Variants in KHDRBS2 observed in about 807,000 individuals in gnomAD.
KHDRBS2 encodes KH RNA binding domain containing, signal transduction associated 2.
A neutral mutation model predicts 44.3 loss-of-function variants in KHDRBS2; 26 were observed. The observed-to-expected ratio is 0.59, with a 90% CI of 0.43 to 0.81. The LOEUF is 0.81. KHDRBS2 is among the 40% of genes least tolerant of loss of function. The pLI is 0.00. For missense variants in KHDRBS2, 476 were observed against 433.1 expected (o/e 1.10, Z -0.88); for synonymous variants, 194 against 151.1 (o/e 1.28, Z -2.08).
chr6:61,613,959 A>G, the KHDRBS2 span, among the ~76,000 whole-genome samples: 5 of 152,224 alleles, frequency 3.3e-5, no homozygotes, highest in Non-Finnish European at 5.9e-5. Flanking sequence ...ATCATCCTCC[A>G]GACCAAAAAT....
intron 4 of KHDRBS2, among the ~76,000 whole-genome samples, chr6:61,918,204 T>A (rs1468249165): frequency 1.3e-5 from 2 of 152,008 alleles, no homozygotes; most frequent in Non-Finnish European, 1.5e-5. Context: ...ATTCCTTTTT[T>A]AATTTTCTTC....
At chr6:62,012,486 A>C (rs917463772) in intron 3 of KHDRBS2, among the ~76,000 whole-genome samples, 2 of 152,188 alleles carry the variant, frequency 1.3e-5, no homozygotes, top group African/African-American at 4.8e-5. Context: ...TTTCACTTGG[A>C]GTAAAATCCA....
intron 6 of KHDRBS2, among the ~76,000 whole-genome samples, chr6:61,751,721 G>A (rs1473069695): frequency 6.6e-6 from 1 of 152,154 alleles, no homozygotes. Context: ...GCTAGAGAAA[G>A]TATTAATTTC....
the KHDRBS2 span, among the ~76,000 whole-genome samples, chr6:61,628,036 T>A: frequency 6.6e-6 from 1 of 152,138 alleles, no homozygotes; most frequent in Non-Finnish European, 1.5e-5. Context: ...TGTTAGTATC[T>A]GAACTGCATT....
chr6:62,275,514 T>C (rs779602626), intron 1 of KHDRBS2, among the ~76,000 whole-genome samples: 26 of 152,220 alleles, frequency 1.7e-4, no homozygotes, highest in Non-Finnish European at 3.2e-4. Flanking sequence ...TATTTAGTCA[T>C]TCATCTACTG....
intron 1 of KHDRBS2, among the ~76,000 whole-genome samples, chr6:62,207,831 T>C (rs1384867389): frequency 2.0e-5 from 3 of 152,180 alleles, no homozygotes; most frequent in Non-Finnish European, 2.9e-5. Context: ...AAGGAATACA[T>C]ATAGATACTA....
chr6:61,888,625 G>C (rs1193655241), intron 6 of KHDRBS2, among the ~76,000 whole-genome samples: 1 of 145,548 alleles, frequency 6.9e-6, no homozygotes, highest in African/African-American at 2.6e-5. Context: ...GCAGTGGCGC[G>C]ATCTCGGTTC....
chr6:61,841,076 T>C (rs917984898), intron 6 of KHDRBS2, among the ~76,000 whole-genome samples: 1 of 152,152 alleles, frequency 6.6e-6, no homozygotes, highest in Admixed American at 6.6e-5. Flanking sequence ...GCATTTTAGC[T>C]CTGCTAATAC....
At chr6:61,668,713 A>G in the KHDRBS2 span, among the ~76,000 whole-genome samples, 1 of 151,020 alleles carries the variant, frequency 6.6e-6, no homozygotes, top group Non-Finnish European at 1.5e-5. Flanking sequence ...CTTCTAATGG[A>G]TATCAGCTTT....
intron 4 of KHDRBS2, among the ~76,000 whole-genome samples, chr6:61,972,397 G>T (rs1011835017): frequency 1.3e-5 from 2 of 151,992 alleles, no homozygotes; most frequent in Non-Finnish European, 2.9e-5. Flanking sequence ...AAGAAAATCA[G>T]ACTATTATCA....
chr6:61,611,487 C>A, the KHDRBS2 span, among the ~76,000 whole-genome samples: 1 of 152,108 alleles, frequency 6.6e-6, no homozygotes, highest in Non-Finnish European at 1.5e-5. Context: ...TACAATGAAA[C>A]CTTAAATTTA....
intron 6 of KHDRBS2, among the ~76,000 whole-genome samples, chr6:61,833,701 C>T (rs1792196048): frequency 6.6e-6 from 1 of 152,076 alleles, no homozygotes; most frequent in Non-Finnish European, 1.5e-5. Context: ...AATGCATTTC[C>T]AGATATTTTG....
chr6:61,599,266 G>A, the KHDRBS2 span, among the ~76,000 whole-genome samples: 1 of 152,052 alleles, frequency 6.6e-6, no homozygotes, highest in Non-Finnish European at 1.5e-5. Context: ...GAGTTTCTGA[G>A]GCTGTATTCC....
At chr6:62,283,650 C>T (rs140528866) in intron 1 of KHDRBS2, among the ~76,000 whole-genome samples, 101 of 152,234 alleles carry the variant, frequency 6.6e-4, no homozygotes, top group African/African-American at 2.4e-3. Context: ...AAAATAATCT[C>T]AACCATACTC....
intron 7 of KHDRBS2, among the ~76,000 whole-genome samples, chr6:61,699,996 G>A (rs1768396930): frequency 6.6e-6 from 1 of 151,934 alleles, no homozygotes; most frequent in Non-Finnish European, 1.5e-5. Flanking sequence ...TAAAAATGAT[G>A]CAACCCAACT....
chr6:61,549,082 A>G, the KHDRBS2 span, among the ~76,000 whole-genome samples: 1 of 152,208 alleles, frequency 6.6e-6, no homozygotes, highest in Non-Finnish European at 1.5e-5. Context: ...AACGTGAAAT[A>G]CGGTGAATAA....
chr6:62,033,611 G>GAT (rs1163478886), intron 3 of KHDRBS2, among the ~76,000 whole-genome samples: 5 of 150,374 alleles, frequency 3.3e-5, no homozygotes, highest in Non-Finnish European at 5.9e-5. Context: ...AGTATATCTG[G>GAT]ATATATATAT....
intron 1 of KHDRBS2, among the ~76,000 whole-genome samples, chr6:62,261,076 A>G (rs989207655): frequency 2.6e-5 from 4 of 151,858 alleles, no homozygotes; most frequent in African/African-American, 9.7e-5. Context: ...CCATAATGAC[A>G]GCTTTTAATG....
At chr6:62,192,564 T>C (rs1824847364) in intron 1 of KHDRBS2, among the ~76,000 whole-genome samples, 1 of 152,148 alleles carries the variant, frequency 6.6e-6, no homozygotes, top group Non-Finnish European at 1.5e-5. Context: ...TTTCAAGATG[T>C]TCAGAAATCT....
Sources: allele counts gnomAD v4.1 joint callset (sites outside exome capture counted in the v4.1 genomes callset), GRCh38; gene constraint gnomAD v4.1.1; transcripts MANE v1.5; gene names NCBI Gene and HGNC (gene_info 2026-07-23, HGNC 2026-07-21).